SAMMSON: variants seen among roughly 807,000 people sequenced by gnomAD.
SAMMSON encodes long intergenic non-protein coding RNA 1212.
chr3:70,336,814 TTG>T (rs71126494), intron 7 of SAMMSON, among the ~76,000 whole-genome samples: 59,149 of 126,268 alleles, frequency 0.47, 13,572 homozygotes, highest in Non-Finnish European at 0.51. Context: ...AATAGAAAGT[TTG>T]TGTGTGTGTG....
At chr3:70,125,314 G>A (rs1022687578) in intron 4 of SAMMSON, 5 of 1,341,218 alleles carry the variant, frequency 3.7e-6, no homozygotes, top group Non-Finnish European at 5.3e-6. Context: ...TATATTTAAG[G>A]TCCTTTTCTT....
chr3:70,207,059 T>A (rs2106724884), intron 4 of SAMMSON, among the ~76,000 whole-genome samples: 1 of 149,728 alleles, frequency 6.7e-6, no homozygotes, highest in East Asian at 2.0e-4. Context: ...TGGTAATAAG[T>A]AGGGAGAATC....
At chr3:70,386,834 GA>G (rs921750437) in intron 9 of SAMMSON, among the ~76,000 whole-genome samples, 7 of 151,730 alleles carry the variant, frequency 4.6e-5, no homozygotes, top group Non-Finnish European at 8.8e-5. Context: ...TACATTTAAT[GA>G]AAAAAAATGA....
chr3:70,392,168 G>A (rs1171065985), downstream of SAMMSON, among the ~76,000 whole-genome samples: 6 of 152,178 alleles, frequency 3.9e-5, no homozygotes, highest in East Asian at 1.2e-3. Context: ...AAGTAACATA[G>A]TCCATAACTG....
At chr3:70,152,517 A>G (rs1168280826) in intron 4 of SAMMSON, among the ~76,000 whole-genome samples, 3 of 152,028 alleles carry the variant, frequency 2.0e-5, no homozygotes, top group African/African-American at 4.8e-5. Flanking sequence ...TTTCCATCAA[A>G]ACATATAGTA....
intron 4 of SAMMSON, among the ~76,000 whole-genome samples, chr3:70,082,873 A>G (rs1320796649): frequency 6.6e-6 from 1 of 152,218 alleles, no homozygotes; most frequent in East Asian, 1.9e-4. Flanking sequence ...TGTGGTTGCT[A>G]TCCCCATTTC....
intron 4 of SAMMSON, among the ~76,000 whole-genome samples, chr3:70,193,543 C>A (rs1324975551): frequency 6.6e-6 from 1 of 152,142 alleles, no homozygotes; most frequent in Non-Finnish European, 1.5e-5. Flanking sequence ...TTGATTATCA[C>A]TGGAAATTTG....
intron 2 of SAMMSON, among the ~76,000 whole-genome samples, chr3:70,427,714 G>A (rs935603127): frequency 6.4e-4 from 95 of 149,560 alleles, no homozygotes; most frequent in African/African-American, 2.3e-3. Flanking sequence ...CTCCAGCCTG[G>A]GCGACAGAGC....
chr3:70,125,460 C>G, intron 4 of SAMMSON: 2 of 811,740 alleles, frequency 2.5e-6, no homozygotes, highest in Non-Finnish European at 4.1e-6. Context: ...GAAATACATT[C>G]CGATGGCATT....
At chr3:70,260,880 A>G (rs1701859849) in intron 6 of SAMMSON, among the ~76,000 whole-genome samples, 1 of 152,104 alleles carries the variant, frequency 6.6e-6, no homozygotes, top group African/African-American at 2.4e-5. Context: ...AGAATGTACC[A>G]TCTTTTCCTG....
intron 4 of SAMMSON, among the ~76,000 whole-genome samples, chr3:70,074,065 A>G (rs1054089934): frequency 3.3e-5 from 5 of 151,854 alleles, no homozygotes; most frequent in African/African-American, 7.2e-5. Context: ...TGTAGAAGCA[A>G]TGTCTGTATT....
intron 6 of SAMMSON, among the ~76,000 whole-genome samples, chr3:70,268,429 C>T (rs1017912168): frequency 7.0e-6 from 1 of 142,816 alleles, no homozygotes; most frequent in South Asian, 2.2e-4. Context: ...GAGCAGAGAT[C>T]GCATCACTGC....
intron 4 of SAMMSON, among the ~76,000 whole-genome samples, chr3:70,130,441 C>A (rs562594746): frequency 2.0e-5 from 3 of 152,252 alleles, no homozygotes; most frequent in African/African-American, 7.2e-5. Context: ...GTTGGCCATA[C>A]AAATATACAT....
chr3:70,336,999 T>C (rs1206001792), intron 7 of SAMMSON, among the ~76,000 whole-genome samples: 1 of 146,886 alleles, frequency 6.8e-6, no homozygotes, highest in Non-Finnish European at 1.5e-5. Flanking sequence ...GATTTAATAA[T>C]AATATCTAAC....
intron 4 of SAMMSON, among the ~76,000 whole-genome samples, chr3:70,149,017 C>T (rs954880092): frequency 6.6e-6 from 1 of 151,984 alleles, no homozygotes; most frequent in African/African-American, 2.4e-5. Context: ...CAGCACATTG[C>T]GTCGCTCACA....
At chr3:70,044,327 G>A (rs1489545242) in intron 3 of SAMMSON, among the ~76,000 whole-genome samples, 1 of 151,912 alleles carries the variant, frequency 6.6e-6, no homozygotes, top group Non-Finnish European at 1.5e-5. Context: ...GGGGGTAAAG[G>A]GGATGCAGAT....
At chr3:70,380,798 G>T (rs1703059716) in intron 9 of SAMMSON, among the ~76,000 whole-genome samples, 1 of 151,958 alleles carries the variant, frequency 6.6e-6, no homozygotes, top group Admixed American at 6.6e-5. Flanking sequence ...GCGGTGTTTG[G>T]TTTTTTGTCC....
At chr3:70,276,442 T>A (rs901150730) in intron 6 of SAMMSON, among the ~76,000 whole-genome samples, 3 of 152,216 alleles carry the variant, frequency 2.0e-5, no homozygotes, top group Non-Finnish European at 4.4e-5. Flanking sequence ...TCTTTGCATA[T>A]GCCTCTCATT....
intron 4 of SAMMSON, among the ~76,000 whole-genome samples, chr3:70,190,624 A>G (rs1209965934): frequency 1.3e-5 from 2 of 152,218 alleles, no homozygotes; most frequent in Non-Finnish European, 2.9e-5. Context: ...TGCCACACAG[A>G]TACTTTTATT....
Sources: gnomAD v4.1 joint callset for allele counts (sites outside exome capture counted in the v4.1 genomes callset) on GRCh38, gnomAD v4.1.1 for gene constraint, MANE v1.5 for transcripts, NCBI Gene and HGNC (gene_info 2026-07-23, HGNC 2026-07-21) for gene names.